The following ITGB8 variants were observed in gnomAD, a reference collection of about 807,000 sequenced individuals.
ITGB8 encodes integrin subunit beta 8.
Under a neutral mutation model 89.5 loss-of-function variants are expected in ITGB8, and 30 were observed. That is an observed-to-expected ratio of 0.34 (90% CI 0.25 to 0.45). The LOEUF is 0.45. Ranked by LOEUF, ITGB8 falls within the 20% of genes least tolerant of loss-of-function variation. The pLI, the probability that ITGB8 is intolerant of heterozygous loss-of-function variation, is 1.00. For missense variants in ITGB8, 836 were observed against 933.3 expected, an observed-to-expected ratio of 0.90 and a Z score of 1.36; for synonymous variants, 335 against 320.4, an observed-to-expected ratio of 1.05 and a Z score of -0.49.
chr7:20,382,473 G>C (rs1410795453), intron 6 of ITGB8, among the ~76,000 whole-genome samples: 1 of 152,114 alleles, frequency 6.6e-6, no homozygotes, highest in East Asian at 1.9e-4. Context: ...TAATCACCTA[G>C]AACCATATCT....
At chr7:20,375,642 T>G (rs950767548) in intron 3 of ITGB8, among the ~76,000 whole-genome samples, 1 of 152,210 alleles carries the variant, frequency 6.6e-6, no homozygotes, top group Non-Finnish European at 1.5e-5. Flanking sequence ...ACCCTTTATC[T>G]TCAACACCCA....
At chr7:20,393,492 T>C (rs778457097) in intron 7 of ITGB8, among the ~76,000 whole-genome samples, 4 of 152,196 alleles carry the variant, frequency 2.6e-5, no homozygotes, top group African/African-American at 7.2e-5. Flanking sequence ...GAGTGATCTA[T>C]TGAAATCACA....
intron 3 of ITGB8, among the ~76,000 whole-genome samples, chr7:20,372,529 T>TGA (rs1168161229): frequency 6.6e-6 from 1 of 151,620 alleles, no homozygotes; most frequent in Non-Finnish European, 1.5e-5. Context: ...TGTCTTGAGT[T>TGA]GAGAGAGAGA....
intron 8 of ITGB8, among the ~76,000 whole-genome samples, chr7:20,396,298 T>A (rs757925514): frequency 1.2e-4 from 18 of 151,986 alleles, no homozygotes; most frequent in Non-Finnish European, 2.4e-4. Flanking sequence ...CAGGGCATGG[T>A]GGCGGGTGCC....
chr7:20,390,490 C>G (rs893352476), intron 6 of ITGB8, among the ~76,000 whole-genome samples: 1 of 151,984 alleles, frequency 6.6e-6, no homozygotes, highest in Admixed American at 6.6e-5. Context: ...AATTTTATTT[C>G]AATTTTCCTA....
At chr7:20,349,782 A>G (rs1785051714) in intron 1 of ITGB8, among the ~76,000 whole-genome samples, 3 of 152,022 alleles carry the variant, frequency 2.0e-5, no homozygotes, top group Non-Finnish European at 2.9e-5. Context: ...GGAAAGAAAT[A>G]TATTCCTTCA....
chr7:20,356,288 T>G (rs527430867), intron 1 of ITGB8, among the ~76,000 whole-genome samples: 31 of 152,204 alleles, frequency 2.0e-4, no homozygotes, highest in South Asian at 8.3e-4. Flanking sequence ...AGAATGCCAA[T>G]GTATTTATTT....
chr7:20,354,344 T>G (rs906571585), intron 1 of ITGB8, among the ~76,000 whole-genome samples: 2 of 152,230 alleles, frequency 1.3e-5, no homozygotes, highest in Admixed American at 1.3e-4. Flanking sequence ...GATGATCTAC[T>G]TCACATAAAG....
At chr7:20,347,122 C>G (rs1337111251) in intron 1 of ITGB8, among the ~76,000 whole-genome samples, 1 of 152,186 alleles carries the variant, frequency 6.6e-6, no homozygotes, top group Non-Finnish European at 1.5e-5. Flanking sequence ...CGCCATACCA[C>G]CACATCTGTT....
chr7:20,377,869 AT>A (rs1786217098), intron 3 of ITGB8, among the ~76,000 whole-genome samples: 1 of 152,212 alleles, frequency 6.6e-6, no homozygotes, highest in Admixed American at 6.5e-5. Context: ...AAAACATCTG[AT>A]TTGTGAAATA....
At chr7:20,398,793 T>C (rs1357985600) in intron 8 of ITGB8, 67 bp from the exon 9 acceptor site, 1 of 1,144,672 alleles carries the variant, frequency 8.7e-7, no homozygotes, top group Admixed American at 2.8e-5. Context: ...TTAATAAGCT[T>C]GACTCTGCTT....
intron 1 of ITGB8, chr7:20,352,674 CTT>C (rs925539622): frequency 2.4e-4 from 36 of 152,206 alleles, no homozygotes; most frequent in African/African-American, 8.4e-4. Flanking sequence ...ATGGTGTTCT[CTT>C]TCTCCTTTCA....
At chr7:20,397,426 A>G (rs1176712372) in intron 8 of ITGB8, among the ~76,000 whole-genome samples, 1 of 152,074 alleles carries the variant, frequency 6.6e-6, no homozygotes, top group Non-Finnish European at 1.5e-5. Context: ...GGGTTTCACC[A>G]TGTTAGCCAC....
chr7:20,369,407 G>A (rs1057289463), intron 3 of ITGB8, among the ~76,000 whole-genome samples: 15 of 152,106 alleles, frequency 9.9e-5, no homozygotes, highest in Admixed American at 6.6e-4. Context: ...GGCTTGCTAC[G>A]TCCACACAGG....
At position 20,381,615 on chromosome 7, in the gene ITGB8, G is replaced by A. The variant is rs539754582; in HGVS notation, c.802-112G>A. ...CAGCAGCGTTGTACCCACGCACATCGTTCTAGCCTGACTTACTGTTCGTCA... is the reference window on the plus strand; with the variant it reads ...CAGCAGCGTTGTACCCACGCACATCATTCTAGCCTGACTTACTGTTCGTCA... On this transcript the variant is annotated intron_variant, in intron 5 of 13. Coordinates refer to ENST00000222573, the MANE Select transcript of ITGB8 (RefSeq NM_002214.3). 22 of 761,400 alleles carry A rather than the reference G, an allele frequency of 2.9e-5. No individual in the cohort carries two copies. In the East Asian group the frequency reaches 4.1e-4, roughly 14 times the overall value. The allele number at this position is 761,400 out of a possible 1,614,324, so 47.2% of individuals were successfully genotyped here.
intron 3 of ITGB8, among the ~76,000 whole-genome samples, chr7:20,368,132 T>G (rs890912986): frequency 2.0e-5 from 3 of 152,186 alleles, no homozygotes; most frequent in Non-Finnish European, 4.4e-5. Flanking sequence ...CATTACTTTC[T>G]TGGCCCTGGG....
At position 20,394,929 on chromosome 7, in the gene ITGB8, G is replaced by A. The variant is rs1341098331; in HGVS notation, c.1090G>A (p.Gly364Ser). ...ACCCCTCTTGCCAGGCACCATTGCT[G>A]GTGAAATAGAATCAAAGGCTGCAAA... ...LLPLLPGTIA[G>S]EIESKAANLN... The change falls in exon 8 of 14, where the codon GGT (glycine) becomes AGT (serine). Residue 364 changes from glycine (G) to serine (S), a missense_variant. This residue lies in a region of ITGB8 where 192 missense variants were observed against 267.1 expected (regional missense o/e 0.72). Coordinates refer to ENST00000222573, the MANE Select transcript of ITGB8 (RefSeq NM_002214.3). The A allele has an allele frequency of 6.2e-7, 1 of 1,613,648 alleles. No individual in the cohort carries two copies. Among genetic ancestry groups the A allele is most frequent in the Non-Finnish European group, 8.5e-7 (1 of 1,179,622 alleles).
intron 1 of ITGB8, among the ~76,000 whole-genome samples, chr7:20,360,682 C>T (rs890654960): frequency 1.3e-5 from 2 of 150,878 alleles, no homozygotes; most frequent in Non-Finnish European, 2.9e-5. Flanking sequence ...TATTTTTTTA[C>T]GGCTGAGTGG....
chr7:20,335,208 A>T (rs1414989767), intron 1 of ITGB8, among the ~76,000 whole-genome samples: 1 of 152,222 alleles, frequency 6.6e-6, no homozygotes, highest in Non-Finnish European at 1.5e-5. Context: ...TAAAGCATGA[A>T]TTTTTTTAAA....
Sources: allele counts gnomAD v4.1 joint callset (sites outside exome capture counted in the v4.1 genomes callset), GRCh38; gene constraint gnomAD v4.1.1; regional missense constraint gnomAD v4.1.1; transcripts MANE v1.5; gene names NCBI Gene and HGNC (gene_info 2026-07-23, HGNC 2026-07-21).